The following DR1 variants were observed in gnomAD, a reference collection of about 807,000 sequenced individuals.
The protein encoded by DR1 is protein Dr1.
DR1 carries 7 observed loss-of-function variants against 19.9 expected under a neutral mutation model. The ratio of observed to expected loss-of-function variants is 0.35; its 90% CI spans 0.20 to 0.66. The LOEUF (loss-of-function observed/expected upper bound fraction) is 0.66. Ranked by LOEUF, DR1 falls within the 30% of genes least tolerant of loss-of-function variation. The pLI is 0.66. For missense variants in DR1, 98 were observed against 203.7 expected (o/e 0.48, Z 3.16); for synonymous variants, 76 against 72.5 (o/e 1.05, Z -0.24).
intron 1 of DR1, among the ~76,000 whole-genome samples, chr1:93,349,950 G>A (rs1666896667): frequency 6.6e-6 from 1 of 152,116 alleles, no homozygotes; most frequent in Non-Finnish European, 1.5e-5. Flanking sequence ...ATGGACCACA[G>A]TTTGAGAACC....
chr1:93,360,972 A>G lies in DR1; in HGVS notation c.*333A>G, dbSNP rs1484973673. 5.6e-6 allele frequency: 1 copy of G among 177,246 alleles called. No homozygotes were observed. The highest frequency in any genetic ancestry group is 1.2e-5 in the Non-Finnish European group (1 of 84,992). 11.0% of individuals were successfully genotyped at this position (177,246 alleles called of 1,614,324 possible). On this transcript the variant is annotated 3_prime_UTR_variant, in exon 3 of 3. Transcript: ENST00000370272. ...TAAAAATACAGTGAAATTTCTACAA[A>G]GCTCTAAATCTGCATTTGCATTTCC...
intron 1 of DR1, among the ~76,000 whole-genome samples, chr1:93,348,948 G>A (rs1187250683): frequency 6.6e-6 from 1 of 152,000 alleles, no homozygotes; most frequent in Non-Finnish European, 1.5e-5. Context: ...TTAGGTGTTT[G>A]AAGTGTGTGC....
intron 2 of DR1, chr1:93,354,954 A>G (rs769809344): frequency 6.6e-6 from 1 of 152,208 alleles, no homozygotes; most frequent in Non-Finnish European, 1.5e-5. Context: ...TTCCTGCATT[A>G]TCTCATTTAA....
rs1199654651 is a variant in DR1, at chr1:93,368,092, A to G, written c.*7453A>G. ...AACAATGAGGATCAACTCTTTTTGT[A>G]ATAGTTTTTTTACATATGTTATTTC... On this transcript the variant is annotated 3_prime_UTR_variant, in exon 3 of 3. Transcript: ENST00000370272. 5 of 152,214 alleles carry G rather than the reference A, an allele frequency of 3.3e-5. No homozygotes were observed. Among genetic ancestry groups the G allele is most frequent in the African/African-American group, 9.6e-5 (4 of 41,454 alleles). 9.4% of individuals were successfully genotyped at this position (152,214 alleles called of 1,614,324 possible).
At chr1:93,348,758 T>G (rs1403745945) in intron 1 of DR1, among the ~76,000 whole-genome samples, 1 of 152,074 alleles carries the variant, frequency 6.6e-6, no homozygotes, top group Non-Finnish European at 1.5e-5. Flanking sequence ...AAAATTTACC[T>G]TTTTTTCTTG....
rs561429645 is a variant in DR1 at position 93,346,086 on chromosome 1, A to G, written c.-560A>G. 557 of 210,292 alleles carry G rather than the reference A, an allele frequency of 2.6e-3. 2 individuals carry two copies. Among genetic ancestry groups the G allele is most frequent in the Non-Finnish European group, 3.1e-3 (328 of 106,194 alleles). The allele number at this position is 210,292 out of a possible 1,614,324, so 13.0% of individuals were successfully genotyped here. A position where few individuals can be genotyped will look rare whatever the true frequency, so the allele number is the denominator to read the frequency against. ...GTTCCCAGGCGGCCGTCGCCGTTCC[A>G]GCAGCGGCAGCGGCAGCGGCAGCGG... On this transcript the variant is annotated 5_prime_UTR_variant, in exon 1 of 3. Transcript: ENST00000370272.
At chr1:93,353,835 A>G in intron 1 of DR1, 73 bp from the exon 2 acceptor site, 2 of 1,264,096 alleles carry the variant, frequency 1.6e-6, no homozygotes, top group Non-Finnish European at 1.1e-6. Context: ...GCCCACAAAA[A>G]CTTTAGGTCT....
chr1:93,354,275 C>T lies in DR1; in HGVS notation c.384+204C>T, dbSNP rs371684853. On this transcript the variant is annotated intron_variant, in intron 2 of 2. Transcript: ENST00000370272. The stretch of plus-strand genomic sequence containing the variant: ...CAATCTGTTCTAAAGAGAACAACTC[C>T]AAATACCTATTGAAATTTCACTTGA... Among the ~76,000 whole-genome samples the T allele has an allele frequency of 6.6e-5, 10 of 152,138 alleles. No homozygotes were observed. In the South Asian group the frequency reaches 2.1e-3, roughly 32 times the overall value.
At chr1:93,356,477 G>T (rs540670549) in intron 2 of DR1, among the ~76,000 whole-genome samples, 1 of 152,236 alleles carries the variant, frequency 6.6e-6, no homozygotes, top group East Asian at 1.9e-4. Context: ...ATACAGGGCC[G>T]TGGTAGCTAA....
intron 1 of DR1, among the ~76,000 whole-genome samples, chr1:93,349,776 A>G (rs1557745036): frequency 6.6e-6 from 1 of 152,168 alleles, no homozygotes; most frequent in African/African-American, 2.4e-5. Flanking sequence ...TAACATGAAA[A>G]TAGATCACTG....
At chr1:93,355,366 G>A (rs1666967420) in intron 2 of DR1, 4 of 152,164 alleles carry the variant, frequency 2.6e-5, no homozygotes, top group Admixed American at 2.6e-4. Context: ...GAGTGAACAA[G>A]GAGACAGGGT....
Position 93,363,635 on chromosome 1 carries a change from C to T in DR1, c.*2996C>T, listed in dbSNP as rs1264531554. On this transcript the variant is annotated 3_prime_UTR_variant, in exon 3 of 3. Coordinates refer to ENST00000370272, the MANE Select transcript of DR1 (RefSeq NM_001938.3). ...TTTCCCTGCCTCTAAGTTTAGGGCT[C>T]ACCTGCATAAAGCAGGGATAATCCC... The T allele has an allele frequency of 6.6e-6, 1 of 152,156 alleles. No homozygotes were observed. Among genetic ancestry groups the T allele is most frequent in the Non-Finnish European group, 1.5e-5 (1 of 68,036 alleles). The allele number at this position is 152,156 out of a possible 1,614,324, so 9.4% of individuals were successfully genotyped here. A position where few individuals can be genotyped will look rare whatever the true frequency, so the allele number is the denominator to read the frequency against.
chr1:93,368,816 A>G lies in DR1; in HGVS notation c.*8177A>G, dbSNP rs1300092603. ...TTACACATATACTAGTAGCCCTTAC[A>G]AAATTTCGTCTGTCTTTATTATAAA... On this transcript the variant is annotated 3_prime_UTR_variant, in exon 3 of 3. Transcript: ENST00000370272. 2.0e-5 allele frequency: 3 copies of G among 152,172 alleles called. No individual in the cohort carries two copies. Among genetic ancestry groups the G allele is most frequent in the South Asian group, 2.1e-4 (1 of 4,834 alleles). The allele number at this position is 152,172 out of a possible 1,614,324, so 9.4% of individuals were successfully genotyped here.
intron 1 of DR1, among the ~76,000 whole-genome samples, chr1:93,349,357 A>C (rs1027865365): frequency 6.6e-6 from 1 of 152,088 alleles, no homozygotes; most frequent in Admixed American, 6.5e-5. Context: ...GTTCTAAGCT[A>C]TAAAAGGTGT....
At position 93,355,073 on chromosome 1, in the gene DR1, T is replaced by G. The variant is rs1280885383; in HGVS notation, c.384+1002T>G. The G allele has an allele frequency of 3.3e-5, 5 of 152,208 alleles. No individual in the cohort carries two copies. In the East Asian group the frequency reaches 7.7e-4, roughly 23 times the overall value. The allele number at this position is 152,208 out of a possible 1,614,324, so 9.4% of individuals were successfully genotyped here. On this transcript the variant is annotated intron_variant, in intron 2 of 2. Transcript: ENST00000370272. ...AATATGAGGTACAAAAGAAGAGGTG[T>G]TGATGTTTTAAAAACATTAATGGCT...
rs977002052 is a variant in DR1, at chr1:93,361,201, C to T, written c.*562C>T. The T allele has an allele frequency of 6.6e-6, 1 of 152,502 alleles. No homozygotes were observed. The highest frequency in any genetic ancestry group is 6.6e-5 in the Admixed American group (1 of 15,266). The allele number at this position is 152,502 out of a possible 1,614,324, so 9.4% of individuals were successfully genotyped here. A position where few individuals can be genotyped will look rare whatever the true frequency, so the allele number is the denominator to read the frequency against. ...TTGTTTAGAAAAACTTCAAGACATT[C>T]AAAAACTAGGAAGGAGTATGTTTAA... On this transcript the variant is annotated 3_prime_UTR_variant, in exon 3 of 3. Coordinates refer to ENST00000370272, the MANE Select transcript of DR1 (RefSeq NM_001938.3).
Position 93,362,216 on chromosome 1 carries a change from A to T in DR1, c.*1577A>T, listed in dbSNP as rs765344597. The T allele has an allele frequency of 2.0e-5, 3 of 152,430 alleles. No individual in the cohort carries two copies. Among genetic ancestry groups the T allele is most frequent in the Non-Finnish European group, 2.9e-5 (2 of 67,874 alleles). The allele number at this position is 152,430 out of a possible 1,614,324, so 9.4% of individuals were successfully genotyped here. A position where few individuals can be genotyped will look rare whatever the true frequency, so the allele number is the denominator to read the frequency against. ...TGAAGTGAAAAGGTTAATTTTGCTG[A>T]ATGTTTTAAGTTGAAGTTACTTCAT... On this transcript the variant is annotated 3_prime_UTR_variant, in exon 3 of 3. Coordinates refer to ENST00000370272, the MANE Select transcript of DR1 (RefSeq NM_001938.3).
chr1:93,358,549 G>A (rs916427199), intron 2 of DR1, among the ~76,000 whole-genome samples: 9 of 152,190 alleles, frequency 5.9e-5, no homozygotes, highest in Admixed American at 2.6e-4. Context: ...CCCAACCCTT[G>A]GGGCCCTCCT....
chr1:93,358,116 T>C (rs1024999710), intron 2 of DR1, among the ~76,000 whole-genome samples: 1 of 151,792 alleles, frequency 6.6e-6, no homozygotes, highest in Admixed American at 6.6e-5. Context: ...TCTACAAAAA[T>C]AGAAAGAAAG....
Sources: gnomAD v4.1 joint callset for allele counts (sites outside exome capture counted in the v4.1 genomes callset) on GRCh38, gnomAD v4.1.1 for gene constraint, MANE v1.5 for transcripts, NCBI Gene and HGNC (gene_info 2026-07-23, HGNC 2026-07-21) for gene names.